Variants in STK10 observed in about 807,000 individuals in gnomAD.
STK10 encodes the protein serine/threonine kinase 10, also known as serine/threonine-protein kinase 10.
In STK10, 78 loss-of-function variants were observed where a neutral mutation model predicts 113.8. The ratio of observed to expected loss-of-function variants is 0.69; its 90% CI spans 0.57 to 0.83. STK10 has a LOEUF of 0.83. Among genes scored for constraint, STK10 ranks in the 40% least tolerant of loss-of-function variants. STK10 has a pLI of 0.00. For synonymous variants in STK10, 465 were observed against 494.7 expected (o/e 0.94, Z 0.80); for missense variants, 1,109 against 1,280.1 (o/e 0.87, Z 2.04).
intron 14 of STK10, among the ~76,000 whole-genome samples, chr5:172,058,501 C>T (rs756451523): frequency 5.9e-5 from 9 of 152,164 alleles, no homozygotes; most frequent in Non-Finnish European, 1.2e-4. Flanking sequence ...GGGATATTGG[C>T]CTCGTGTTGT....
intron 2 of STK10, among the ~76,000 whole-genome samples, chr5:172,138,461 T>C (rs982716403): frequency 3.9e-5 from 6 of 152,162 alleles, no homozygotes; most frequent in Non-Finnish European, 8.8e-5. Flanking sequence ...TAATCTTATA[T>C]GTAGAAAATG....
intron 18 of STK10, among the ~76,000 whole-genome samples, chr5:172,051,902 G>C (rs536234654): frequency 3.9e-5 from 6 of 152,258 alleles, no homozygotes; most frequent in Admixed American, 6.5e-5. Context: ...AATTGTGACA[G>C]GGCTTCGCAG....
intron 12 of STK10, among the ~76,000 whole-genome samples, chr5:172,076,083 C>T (rs1768298500): frequency 6.6e-6 from 1 of 151,754 alleles, no homozygotes; most frequent in African/African-American, 2.4e-5. Flanking sequence ...GGTCTTAGAT[C>T]AGGGTTTTGC....
intron 2 of STK10, among the ~76,000 whole-genome samples, chr5:172,149,557 T>TACCCCAAA (rs140408057): frequency 2.1e-4 from 18 of 85,678 alleles, no homozygotes; most frequent in Admixed American, 1.5e-3. Context: ...AACAACCGGG[T>TACCCCAAA]GCCCCAATCC....
chr5:172,083,925 GAAAA>G (rs58326550), intron 10 of STK10, among the ~76,000 whole-genome samples: 5,658 of 85,836 alleles, frequency 0.066, 368 homozygotes, highest in African/African-American at 0.18. Context: ...ACAAAAAAAA[GAAAA>G]AAAAAAAAAA....
At chr5:172,083,551 T>C (rs912901518) in intron 10 of STK10, among the ~76,000 whole-genome samples, 4 of 152,340 alleles carry the variant, frequency 2.6e-5, no homozygotes, top group East Asian at 1.9e-4. Flanking sequence ...TTTTTTGACA[T>C]AGTAGTTTCC....
Position 172,093,503 on chromosome 5 carries a change from C to T in STK10, c.1463G>A (p.Ser488Asn). 6.2e-7 allele frequency: 1 copy of T among 1,614,232 alleles called. No homozygotes were observed. The highest frequency in any genetic ancestry group is 1.3e-5 in the African/African-American group (1 of 75,068). Reference sequence around the variant, plus strand: ...CATGCTCTCAGAGGTGCAGAGGCTGCTGCAGTCCGAGTCCCTCTTGGAAGG... The same window carrying T: ...CATGCTCTCAGAGGTGCAGAGGCTGTTGCAGTCCGAGTCCCTCTTGGAAGG... ...PGPSKRDSDC[S>N]SLCTSESMDY... Residue 488 changes from serine to asparagine, a missense_variant, in exon 9 of 19, where the codon AGC (serine) becomes AAC (asparagine). Ser to Asn is a conservative substitution (Grantham distance 46). This residue lies in a region of STK10 where 885 missense variants were observed against 991.1 expected (regional missense o/e 0.89). Coordinates refer to ENST00000176763, the MANE Select transcript of STK10 (RefSeq NM_005990.4). The surrounding 1 kb of genome is among the most constrained non-coding windows in gnomAD (Gnocchi z 4.1).
At chr5:172,071,691 C>T (rs1286565924) in intron 12 of STK10, among the ~76,000 whole-genome samples, 5 of 152,040 alleles carry the variant, frequency 3.3e-5, no homozygotes, top group Middle Eastern at 3.2e-3. Context: ...TACTTAGGAA[C>T]CATCATGTAA....
At position 172,053,060 on chromosome 5, in the gene STK10, C is replaced by A. The variant is rs758065973; in HGVS notation, c.2653-18G>T. 12 of 1,608,774 alleles carry A rather than the reference C, an allele frequency of 7.5e-6. No individual in the cohort carries two copies. Among genetic ancestry groups the A allele is most frequent in the Non-Finnish European group, 1.0e-5 (12 of 1,175,608 alleles). On this transcript the variant is annotated intron_variant, in intron 17 of 18. Coordinates refer to ENST00000176763, the MANE Select transcript of STK10 (RefSeq NM_005990.4). ...TTTTCATTCTGGAACAGATTCCAGGCAGAACAGGTGAGAAATCAGAAGACG... is the reference window on the plus strand; with the variant it reads ...TTTTCATTCTGGAACAGATTCCAGGAAGAACAGGTGAGAAATCAGAAGACG...
chr5:172,101,073 C>T (rs1311089269), intron 7 of STK10, among the ~76,000 whole-genome samples: 1 of 152,222 alleles, frequency 6.6e-6, no homozygotes, highest in Non-Finnish European at 1.5e-5. Context: ...ACAGCATCTA[C>T]TTCAGAGCGT....
chr5:172,087,494 C>G (rs991089965), intron 10 of STK10, among the ~76,000 whole-genome samples: 2 of 152,014 alleles, frequency 1.3e-5, no homozygotes, highest in Non-Finnish European at 2.9e-5. Flanking sequence ...AGGCTTTTCT[C>G]GAACTCCTGA....
chr5:172,113,536 G>C (rs892947765), intron 4 of STK10, among the ~76,000 whole-genome samples: 1 of 152,136 alleles, frequency 6.6e-6, no homozygotes, highest in African/African-American at 2.4e-5. Flanking sequence ...AATCTTTAAG[G>C]ATATGGAGGA....
At chr5:172,100,623 C>T (rs1006125992) in intron 7 of STK10, among the ~76,000 whole-genome samples, 2 of 152,064 alleles carry the variant, frequency 1.3e-5, no homozygotes, top group Admixed American at 1.3e-4. Flanking sequence ...CCCATCTCTA[C>T]TGAAAATACA....
chr5:172,071,587 A>G (rs182419506), intron 12 of STK10, among the ~76,000 whole-genome samples: 3 of 152,120 alleles, frequency 2.0e-5, no homozygotes, highest in Non-Finnish European at 4.4e-5. Flanking sequence ...GATGCTAATG[A>G]GACAGTGACA....
At chr5:172,112,057 A>G (rs1769248151) in intron 4 of STK10, among the ~76,000 whole-genome samples, 1 of 152,240 alleles carries the variant, frequency 6.6e-6, no homozygotes, top group Non-Finnish European at 1.5e-5. Context: ...GAATGGTTAG[A>G]TAAGTTGTGG....
At chr5:172,086,218 T>G (rs1054061492) in intron 10 of STK10, among the ~76,000 whole-genome samples, 1 of 152,140 alleles carries the variant, frequency 6.6e-6, no homozygotes, top group Non-Finnish European at 1.5e-5. Context: ...CTGGTCGAAT[T>G]CTACCAAGGA....
At chr5:172,077,879 C>A (rs942612353) in intron 12 of STK10, among the ~76,000 whole-genome samples, 1 of 151,986 alleles carries the variant, frequency 6.6e-6, no homozygotes, top group African/African-American at 2.4e-5. Context: ...AAGGAAAGTG[C>A]CTGTTGCATA....
rs1418602219 is a variant in STK10, at chr5:172,067,081, C to T, written c.1990-2269G>A. ...CTGAAATGTCAGGGATAGCCAGGCACGGTGGCTCACACCTGTAATCCCAGC... is the reference window on the plus strand; with the variant it reads ...CTGAAATGTCAGGGATAGCCAGGCATGGTGGCTCACACCTGTAATCCCAGC... On this transcript the variant is annotated intron_variant, in intron 12 of 18. Transcript: ENST00000176763. Among the ~76,000 whole-genome samples, 7 of 151,944 alleles carry T rather than the reference C, an allele frequency of 4.6e-5. No homozygotes were observed. In the East Asian group the frequency reaches 1.4e-3, roughly 30 times the overall value.
chr5:172,136,586 G>C (rs1365347119), intron 2 of STK10, among the ~76,000 whole-genome samples: 5 of 148,922 alleles, frequency 3.4e-5, no homozygotes, highest in African/African-American at 1.2e-4. Context: ...GACAGAGCGA[G>C]ACTCCGTCTC....
Sources: allele counts gnomAD v4.1 joint callset (sites outside exome capture counted in the v4.1 genomes callset), GRCh38; gene constraint gnomAD v4.1.1; regional missense constraint gnomAD v4.1.1; non-coding constraint Gnocchi (gnomAD v3.1); transcripts MANE v1.5; gene names NCBI Gene and HGNC (gene_info 2026-07-23, HGNC 2026-07-21).